Variants in GRIN2A observed in about 807,000 individuals in gnomAD.
GRIN2A encodes glutamate ionotropic receptor NMDA type subunit 2A.
A neutral mutation model predicts 113.4 loss-of-function variants in GRIN2A; 22 were observed. The observed-to-expected ratio is 0.19, with a 90% CI of 0.14 to 0.28. The LOEUF is 0.28. Ranked by LOEUF, GRIN2A falls within the 10% of genes least tolerant of loss-of-function variation. The pLI, the probability that GRIN2A is intolerant of heterozygous loss-of-function variation, is 1.00. For missense variants in GRIN2A, 1,502 were observed against 1,887.0 expected (o/e 0.80, Z 3.78); for synonymous variants, 827 against 738.4 (o/e 1.12, Z -1.94).
chr16:9,973,306 A>G (rs1282949951), intron 2 of GRIN2A, among the ~76,000 whole-genome samples: 5 of 152,176 alleles, frequency 3.3e-5, no homozygotes, highest in Non-Finnish European at 1.5e-5. Context: ...TCTTTGTTTC[A>G]AAGTTAAACT....
At chr16:10,140,359 G>A (rs9941238) in intron 2 of GRIN2A, among the ~76,000 whole-genome samples, 2,543 of 152,152 alleles carry the variant, frequency 0.017, 70 homozygotes, top group African/African-American at 0.058. Context: ...AAGAATTCAG[G>A]CCCAAATCTC....
chr16:10,143,011 T>C (rs1445682121), intron 2 of GRIN2A, among the ~76,000 whole-genome samples: 1 of 152,256 alleles, frequency 6.6e-6, no homozygotes, highest in Admixed American at 6.5e-5. Context: ...GAATTTGGTA[T>C]ACTTAGGATA....
intron 2 of GRIN2A, among the ~76,000 whole-genome samples, chr16:9,995,573 G>A (rs561304786): frequency 9.2e-5 from 14 of 152,072 alleles, no homozygotes; most frequent in Non-Finnish European, 2.1e-4. Flanking sequence ...GGAAGGAGGG[G>A]TCCAAACCAG....
At chr16:10,105,259 C>G (rs1324978753) in intron 2 of GRIN2A, among the ~76,000 whole-genome samples, 2 of 152,118 alleles carry the variant, frequency 1.3e-5, no homozygotes, top group African/African-American at 4.8e-5. Context: ...AAGCCCACCC[C>G]CAAAGAGGAA....
At chr16:10,113,168 T>C (rs1019088381) in intron 2 of GRIN2A, among the ~76,000 whole-genome samples, 1 of 151,970 alleles carries the variant, frequency 6.6e-6, no homozygotes, top group Non-Finnish European at 1.5e-5. Flanking sequence ...TGCTGCAGCA[T>C]GCTCCAGCAT....
rs184990981 is a variant in GRIN2A, at chr16:10,021,892, C to A, written c.415-83341G>T. ...ACTTCTCTTCTCAGTGGACTCTCTGCCCCCAGTGATGGGGATCATCATGCT... is the reference window on the plus strand; with the variant it reads ...ACTTCTCTTCTCAGTGGACTCTCTGACCCCAGTGATGGGGATCATCATGCT... On this transcript the variant is annotated intron_variant, in intron 2 of 12. Transcript: ENST00000330684. Among the ~76,000 whole-genome samples the A allele has an allele frequency of 1.7e-3, 258 of 152,204 alleles. 1 individual carries two copies. Among genetic ancestry groups the A allele is most frequent in the Non-Finnish European group, 3.1e-3 (208 of 67,992 alleles).
At chr16:9,811,231 C>G (rs1415030334) in intron 10 of GRIN2A, among the ~76,000 whole-genome samples, 1 of 152,128 alleles carries the variant, frequency 6.6e-6, no homozygotes, top group Non-Finnish European at 1.5e-5. Flanking sequence ...GAGCTGTTCC[C>G]TTCTCAGGAC....
intron 7 of GRIN2A, among the ~76,000 whole-genome samples, chr16:9,839,136 C>G (rs2042630093): frequency 6.6e-6 from 1 of 152,192 alleles, no homozygotes; most frequent in Non-Finnish European, 1.5e-5. Flanking sequence ...TAATTTGGGA[C>G]AAACCCACTT....
chr16:10,080,586 C>G (rs902823243), intron 2 of GRIN2A, among the ~76,000 whole-genome samples: 4 of 152,180 alleles, frequency 2.6e-5, no homozygotes, highest in Admixed American at 1.3e-4. Flanking sequence ...ATGAGTCATG[C>G]AGAGGCTGAA....
chr16:9,999,102 C>G (rs1042129196), intron 2 of GRIN2A, among the ~76,000 whole-genome samples: 1 of 152,142 alleles, frequency 6.6e-6, no homozygotes, highest in Admixed American at 6.5e-5. Context: ...AGCACAGAAA[C>G]TTACACTGAA....
chr16:10,146,587 A>C (rs1189281426), intron 2 of GRIN2A, among the ~76,000 whole-genome samples: 1 of 151,922 alleles, frequency 6.6e-6, no homozygotes, highest in Non-Finnish European at 1.5e-5. Context: ...TCCCCCACAG[A>C]GTATAAATTG....
chr16:10,053,068 G>C (rs1353458065), intron 2 of GRIN2A, among the ~76,000 whole-genome samples: 1 of 145,628 alleles, frequency 6.9e-6, no homozygotes, highest in African/African-American at 2.6e-5. Flanking sequence ...AAAAAATACA[G>C]ACAGTGAGTC....
At chr16:10,152,042 G>A (rs2049590560) in intron 2 of GRIN2A, among the ~76,000 whole-genome samples, 1 of 152,188 alleles carries the variant, frequency 6.6e-6, no homozygotes, top group Non-Finnish European at 1.5e-5. Flanking sequence ...AGGAGACACA[G>A]TGTGCCTGAA....
chr16:10,107,307 G>A (rs756573418), intron 2 of GRIN2A, among the ~76,000 whole-genome samples: 1 of 152,130 alleles, frequency 6.6e-6, no homozygotes, highest in Non-Finnish European at 1.5e-5. Flanking sequence ...AAAGCAGGGT[G>A]GATCTGTCTC....
At chr16:10,147,225 G>T (rs558611782) in intron 2 of GRIN2A, among the ~76,000 whole-genome samples, 1 of 151,936 alleles carries the variant, frequency 6.6e-6, no homozygotes, top group South Asian at 2.1e-4. Context: ...CAGCAATTTT[G>T]CCCTCCCCCC....
intron 2 of GRIN2A, among the ~76,000 whole-genome samples, chr16:9,969,066 T>C (rs1281603410): frequency 6.6e-6 from 1 of 152,204 alleles, no homozygotes; most frequent in Non-Finnish European, 1.5e-5. Flanking sequence ...AAGTCTGAAA[T>C]TCAGAGTGAA....
chr16:9,982,481 T>C (rs551157373), intron 2 of GRIN2A, among the ~76,000 whole-genome samples: 1 of 152,330 alleles, frequency 6.6e-6, no homozygotes, highest in East Asian at 1.9e-4. Flanking sequence ...TCTTCCTTTG[T>C]CAGCTATTTG....
At chr16:10,143,613 G>T (rs1168492510) in intron 2 of GRIN2A, among the ~76,000 whole-genome samples, 1 of 152,140 alleles carries the variant, frequency 6.6e-6, no homozygotes, top group African/African-American at 2.4e-5. Context: ...TAAGTTCTGA[G>T]ATTTGCATTA....
chr16:9,919,117 G>A (rs1031279971), intron 3 of GRIN2A, among the ~76,000 whole-genome samples: 7 of 152,152 alleles, frequency 4.6e-5, no homozygotes, highest in Non-Finnish European at 7.3e-5. Context: ...AGGTTGCAGT[G>A]AGCCTGGATC....
Sources: gnomAD v4.1 joint callset for allele counts (sites outside exome capture counted in the v4.1 genomes callset) on GRCh38, gnomAD v4.1.1 for gene constraint, MANE v1.5 for transcripts, NCBI Gene and HGNC (gene_info 2026-07-23, HGNC 2026-07-21) for gene names.